LRRC41: variants seen among roughly 807,000 people sequenced by gnomAD.
LRRC41 encodes leucine-rich repeat-containing protein 41.
A neutral mutation model predicts 72.1 loss-of-function variants in LRRC41; 17 were observed. The ratio of observed to expected loss-of-function variants is 0.24; its 90% CI spans 0.16 to 0.35. The LOEUF is 0.35. Ranked by LOEUF, LRRC41 falls within the 10% of genes least tolerant of loss-of-function variation. The probability of loss-of-function intolerance (pLI) is 1.00; values close to 1 mark genes in which losing one functional copy is unlikely to be tolerated. For missense variants in LRRC41, 759 were observed against 1,065.0 expected, an observed-to-expected ratio of 0.71 and a Z score of 4.00; for synonymous variants, 427 against 431.0, an observed-to-expected ratio of 0.99 and a Z score of 0.11.
chr1:46,290,403 G>A (rs560726852), intron 3 of LRRC41, among the ~76,000 whole-genome samples: 28 of 152,242 alleles, frequency 1.8e-4, no homozygotes, highest in Non-Finnish European at 3.1e-4. Context: ...GAGTGAGACC[G>A]TCTCAAAAGT....
chr1:46,286,511 A>C lies in LRRC41; in HGVS notation c.358-12T>G. 1 of 1,576,948 alleles carries C rather than the reference A, an allele frequency of 6.3e-7. No individual in the cohort carries two copies. Reference sequence around the variant, plus strand: ...CAACATGTCACACTCTGAAACGCAGAAAACATGCCAGACAGCCATGATATA... The same window carrying C: ...CAACATGTCACACTCTGAAACGCAGCAAACATGCCAGACAGCCATGATATA... On this transcript the variant is annotated splice_polypyrimidine_tract_variant and intron_variant, in intron 3 of 9. Transcript: ENST00000617190. This position sits in a 1 kb window ranked among gnomAD's most constrained non-coding sequence, Gnocchi z 5.5.
intron 3 of LRRC41, chr1:46,297,014 G>C (rs1406121340): frequency 6.6e-6 from 1 of 152,164 alleles, no homozygotes; most frequent in Non-Finnish European, 1.5e-5. Context: ...CAATCTCCAC[G>C]GGTAGCCTGA....
At position 46,279,488 on chromosome 1, in the gene LRRC41, C is replaced by T. The variant is rs1557711830; in HGVS notation, c.2143+4G>A. ...CCTCTCCCTCCCCAGGGTCTGGCCC[C>T]CACCCAGGCGGTTCCCTGGCAGCCG... is the stretch of plus-strand genomic sequence containing the variant. On this transcript the variant is annotated splice_donor_region_variant and intron_variant, in intron 8 of 9. Transcript: ENST00000617190. The surrounding 1 kb of genome is among the most constrained non-coding windows in gnomAD (Gnocchi z 4.5). The T allele has an allele frequency of 6.2e-7, 1 of 1,614,240 alleles. No homozygotes were observed. The highest frequency in any genetic ancestry group is 8.5e-7 in the Non-Finnish European group (1 of 1,180,052).
chr1:46,295,720 C>T (rs1169872428), intron 3 of LRRC41, among the ~76,000 whole-genome samples: 1 of 152,212 alleles, frequency 6.6e-6, no homozygotes, highest in Non-Finnish European at 1.5e-5. Flanking sequence ...AACTCTAGTG[C>T]TTGTGAAATA....
chr1:46,281,052 T>A, intron 5 of LRRC41, 73 bp downstream of exon 5: 1 of 1,570,086 alleles, frequency 6.4e-7, no homozygotes. Flanking sequence ...CCTTTCCCCA[T>A]ACGAATGCAT....
intron 3 of LRRC41, among the ~76,000 whole-genome samples, chr1:46,295,261 A>G (rs1661099797): frequency 6.6e-6 from 1 of 151,638 alleles, no homozygotes; most frequent in Non-Finnish European, 1.5e-5. Flanking sequence ...AAGTCTTGCC[A>G]TGTTGCCCAG....
Position 46,279,375 on chromosome 1 carries a change from A to G in LRRC41, c.2143+117T>C. On this transcript the variant is annotated intron_variant, in intron 8 of 9. Coordinates refer to ENST00000617190, the MANE Select transcript of LRRC41 (RefSeq NM_006369.5). This position sits in a 1 kb window ranked among gnomAD's most constrained non-coding sequence, Gnocchi z 4.5. ...TGGTTCCTGAAGCCCCAGCACAGAA[A>G]TATCTGTATTCCAACTCCCACGTTC... 3.8e-6 allele frequency: 6 copies of G among 1,584,206 alleles called. No individual in the cohort carries two copies. The highest frequency in any genetic ancestry group is 1.1e-5 in the South Asian group (1 of 90,116).
rs541252796 is a variant in LRRC41, at chr1:46,287,093, G to A, written c.358-594C>T. Among the ~76,000 whole-genome samples the A allele has an allele frequency of 1.3e-4, 20 of 149,948 alleles. No individual in the cohort carries two copies. In the East Asian group the frequency reaches 2.8e-3, roughly 21 times the overall value. ...GCTAGGATTACAGGTGTGAGTCACC[G>A]CACCTAGCCCCTTATCCCAACTTCA... On this transcript the variant is annotated intron_variant, in intron 3 of 9. Coordinates refer to ENST00000617190, the MANE Select transcript of LRRC41 (RefSeq NM_006369.5).
At chr1:46,291,716 C>T (rs1234524915) in intron 3 of LRRC41, among the ~76,000 whole-genome samples, 4 of 151,682 alleles carry the variant, frequency 2.6e-5, no homozygotes, top group Admixed American at 6.6e-5. Flanking sequence ...TGCGCCACCA[C>T]GCCCGGCTAA....
In LRRC41 at chr1:46,278,284, A is replaced by G; in HGVS notation, c.*581T>C. Reference sequence around the variant, plus strand: ...GAGGAGCAGCGGGGCCTCCGCTGATAACCAGCTGGTCTGGGTGTAGCTCTT... The same window carrying G: ...GAGGAGCAGCGGGGCCTCCGCTGATGACCAGCTGGTCTGGGTGTAGCTCTT... On this transcript the variant is annotated 3_prime_UTR_variant, in exon 10 of 10. Transcript: ENST00000617190. The G allele has an allele frequency of 6.2e-7, 1 of 1,610,286 alleles. No homozygotes were observed. The highest frequency in any genetic ancestry group is 2.2e-5 in the East Asian group (1 of 44,810).
Position 46,285,142 on chromosome 1 carries a change from C to G in LRRC41, c.1495+220G>C, listed in dbSNP as rs373001048. 1.4e-3 allele frequency: 815 copies of G among 582,606 alleles called. 14 individuals are homozygous for G. The South Asian group carries it at 0.017, about 12-fold the overall frequency. 36.1% of individuals were successfully genotyped at this position (582,606 alleles called of 1,614,324 possible). A position where few individuals can be genotyped will look rare whatever the true frequency, so the allele number is the denominator to read the frequency against. On this transcript the variant is annotated intron_variant, in intron 4 of 9. Transcript: ENST00000617190. The surrounding 1 kb of genome is among the most constrained non-coding windows in gnomAD (Gnocchi z 5.3). ...AGATTCCAGCTGGCTTGTCTCACTG[C>G]CCCTCAGGAACCCCTGCTTTCAACA...
chr1:46,285,216 T>C lies in LRRC41; in HGVS notation c.1495+146A>G, dbSNP rs1455656462. 1.4e-6 allele frequency: 1 copy of C among 718,912 alleles called. No individual in the cohort carries two copies. The highest frequency in any genetic ancestry group is 1.7e-5 in the South Asian group (1 of 57,304). 44.5% of individuals were successfully genotyped at this position (718,912 alleles called of 1,614,324 possible). ...TGTTCCTCTCTTCTAGCAATGACAG[T>C]CTCCCCTGCTATGAGGCATACAAGC... On this transcript the variant is annotated intron_variant, in intron 4 of 9. Transcript: ENST00000617190. The surrounding 1 kb of genome is among the most constrained non-coding windows in gnomAD (Gnocchi z 5.3).
In LRRC41 at chr1:46,303,221, C is replaced by G; in HGVS notation, c.102G>C (p.Lys34Asn). Residue 34 changes from lysine to asparagine, a missense_variant, in exon 1 of 10, where the codon AAG (lysine) becomes AAC (asparagine). Physicochemically the swap from Lys to Asn is moderately conservative, Grantham distance 94. Around this residue, in one of 4 missense-constraint regions of LRRC41, gnomAD observed 106 missense variants for 66.1 expected, o/e 1.60. Transcript: ENST00000617190. ...GAGCGTTGGGGCCCGAGGCCGAGCT[C>G]TTCGCTGGCGCCGCCTCCCGGGACG... ...EATSREAAPA[K>N]SSASGPNAPP... 1 of 1,563,328 alleles carries G rather than the reference C, an allele frequency of 6.4e-7. No individual in the cohort carries two copies. The highest frequency in any genetic ancestry group is 8.6e-7 in the Non-Finnish European group (1 of 1,157,448).
rs1409380576 is a variant in LRRC41 at position 46,303,342 on chromosome 1, C to T, written c.-20G>A. The T allele has an allele frequency of 2.7e-6, 4 of 1,487,890 alleles. No individual in the cohort carries two copies. The highest frequency in any genetic ancestry group is 2.9e-5 in the African/African-American group (2 of 69,938). The allele number at this position is 1,487,890 out of a possible 1,614,324, so 92.2% of individuals were successfully genotyped here. ...CGCCATCTTGGGGAGGTGCGCGAGCCCGAGAGTGTCGCCCGCGGACCGCCA... is the reference window on the plus strand; with the variant it reads ...CGCCATCTTGGGGAGGTGCGCGAGCTCGAGAGTGTCGCCCGCGGACCGCCA... On this transcript the variant is annotated 5_prime_UTR_variant, in exon 1 of 10. Coordinates refer to ENST00000617190, the MANE Select transcript of LRRC41 (RefSeq NM_006369.5).
intron 3 of LRRC41, among the ~76,000 whole-genome samples, chr1:46,288,757 A>G (rs1374821114): frequency 6.6e-6 from 1 of 152,232 alleles, no homozygotes; most frequent in Non-Finnish European, 1.5e-5. Context: ...CCTGCTTGAA[A>G]TAACTGCATA....
chr1:46,298,447 C>A (rs747629359), intron 1 of LRRC41, 77 bp from the exon 2 acceptor site: 33 of 829,260 alleles, frequency 4.0e-5, no homozygotes, highest in South Asian at 1.6e-5. Flanking sequence ...ATTATTTATT[C>A]TACTGGAAAG....
Position 46,278,241 on chromosome 1 carries a change from T to C in LRRC41, c.*624A>G, listed in dbSNP as rs748279402. The C allele has an allele frequency of 5.6e-6, 9 of 1,613,788 alleles. No homozygotes were observed. The South Asian group carries it at 9.9e-5, about 18-fold the overall frequency. ...TGCCTCCACTGCCATCACCTTCGTC[T>C]TCCACCAGCGTTCTCATGAGGAGCA... is the stretch of plus-strand genomic sequence containing the variant. On this transcript the variant is annotated 3_prime_UTR_variant, in exon 10 of 10. Transcript: ENST00000617190.
At chr1:46,293,538 C>T (rs774615894) in intron 3 of LRRC41, among the ~76,000 whole-genome samples, 3 of 152,044 alleles carry the variant, frequency 2.0e-5, no homozygotes, top group Non-Finnish European at 4.4e-5. Flanking sequence ...CCATCACACC[C>T]GGCCTGATTT....
intron 4 of LRRC41, chr1:46,284,374 C>G (rs1445585039): frequency 6.6e-6 from 1 of 152,190 alleles, no homozygotes; most frequent in Non-Finnish European, 1.5e-5. Context: ...GAGGAAGTCA[C>G]TTGCCCTCAT....
Sources: gnomAD v4.1 joint callset for allele counts (sites outside exome capture counted in the v4.1 genomes callset) on GRCh38, gnomAD v4.1.1 for gene constraint, gnomAD v4.1.1 regional missense constraint, Gnocchi (gnomAD v3.1) non-coding constraint, MANE v1.5 for transcripts, NCBI Gene and HGNC (gene_info 2026-07-23, HGNC 2026-07-21) for gene names.